Variants in NRTN observed in about 807,000 individuals in gnomAD.
NRTN encodes the protein neurturin, also known as prepro-neurturin.
In NRTN, 3 loss-of-function variants were observed where a neutral mutation model predicts 7.5. That is an observed-to-expected ratio of 0.40 (90% CI 0.18 to 1.03). The LOEUF (loss-of-function observed/expected upper bound fraction) is 1.03, where lower values mean the gene tolerates loss of function less well. Ranked by LOEUF, NRTN falls within the 50% of genes least tolerant of loss-of-function variation. The probability of loss-of-function intolerance (pLI) is 0.34; values close to 1 mark genes in which losing one functional copy is unlikely to be tolerated. For synonymous variants in NRTN, 157 were observed against 146.6 expected (o/e 1.07, Z -0.51); for missense variants, 310 against 307.0 (o/e 1.01, Z -0.07).
chr19:5,825,300 G>T (rs1433096118), intron 2 of NRTN, among the ~76,000 whole-genome samples: 1 of 152,130 alleles, frequency 6.6e-6, no homozygotes, highest in Non-Finnish European at 1.5e-5. Flanking sequence ...TGGTGCGTGG[G>T]CCCTGACCCC....
chr19:5,824,058 C>A lies in NRTN; in HGVS notation c.-108C>A. On this transcript the variant is annotated 5_prime_UTR_variant, in exon 2 of 3. Coordinates refer to ENST00000303212, the MANE Select transcript of NRTN (RefSeq NM_004558.5). Reference sequence around the variant, plus strand: ...GATTATCGACCATTCGGCAGGCGTTCAAAGTCAAAGGCCCCACACTGAGTC... The same window carrying A: ...GATTATCGACCATTCGGCAGGCGTTAAAAGTCAAAGGCCCCACACTGAGTC... 7.0e-7 allele frequency: 1 copy of A among 1,422,514 alleles called. No homozygotes were observed. Among genetic ancestry groups the A allele is most frequent in the Non-Finnish European group, 9.8e-7 (1 of 1,024,374 alleles). 88.1% of individuals were successfully genotyped at this position (1,422,514 alleles called of 1,614,324 possible).
rs1156711960 is a variant in NRTN at position 5,827,845 on chromosome 19, C to A, written c.266C>A (p.Pro89His). 2 of 1,171,660 alleles carry A rather than the reference C, an allele frequency of 1.7e-6. No homozygotes were observed. The highest frequency in any genetic ancestry group is 9.4e-5 in the Admixed American group (2 of 21,182). The allele number at this position is 1,171,660 out of a possible 1,614,324, so 72.6% of individuals were successfully genotyped here. A position where few individuals can be genotyped will look rare whatever the true frequency, so the allele number is the denominator to read the frequency against. ...RPPGPRRRAG[P>H]RRRRARARLG... ...CCAGGTCCGCGCCGTCGGGCGGGGC[C>A]CCGGCGGCGGCGCGCGCGTGCGCGG... The change falls in exon 3 of 3, where the codon CCC (proline) becomes CAC (histidine). Residue 89 changes from proline to histidine, a missense_variant. Coordinates refer to ENST00000303212, the MANE Select transcript of NRTN (RefSeq NM_004558.5).
intron 1 of NRTN, among the ~76,000 whole-genome samples, chr19:5,810,407 C>T (rs1304893220): frequency 5.9e-5 from 9 of 152,022 alleles, no homozygotes; most frequent in Non-Finnish European, 5.9e-5. Context: ...GCCACCACAA[C>T]CGGCCTCAGC....
At chr19:5,817,496 A>G (rs199845041) in intron 1 of NRTN, among the ~76,000 whole-genome samples, 9 of 114,740 alleles carry the variant, frequency 7.8e-5, no homozygotes, top group African/African-American at 1.3e-4. Flanking sequence ...AGAGAGAGAG[A>G]AAGGAAGGAA....
chr19:5,827,698 C>A, intron 2 of NRTN, 51 bp from the exon 3 acceptor site: 1 of 656,006 alleles, frequency 1.5e-6, no homozygotes, highest in Non-Finnish European at 2.0e-6. Flanking sequence ...GGGCTCCCTC[C>A]CACCCCCTGC....
At chr19:5,810,221 C>T (rs1187125512) in intron 1 of NRTN, among the ~76,000 whole-genome samples, 3 of 149,306 alleles carry the variant, frequency 2.0e-5, no homozygotes, top group East Asian at 2.0e-4. Context: ...GAGCCGAGAT[C>T]GCGCCACTGC....
chr19:5,811,694 G>A (rs1297517647), intron 1 of NRTN, among the ~76,000 whole-genome samples: 2 of 148,916 alleles, frequency 1.3e-5, no homozygotes, highest in Admixed American at 6.7e-5. Context: ...CACCACACCC[G>A]GCTAATTTGT....
At chr19:5,823,643 C>A (rs1258665122) in intron 1 of NRTN, among the ~76,000 whole-genome samples, 125 bp from the exon 2 acceptor site, 1 of 152,158 alleles carries the variant, frequency 6.6e-6, no homozygotes, top group Non-Finnish European at 1.5e-5. Flanking sequence ...ATGTAGGGAA[C>A]AGTGTCAGCC....
chr19:5,815,380 T>G (rs923795556), intron 1 of NRTN, among the ~76,000 whole-genome samples: 50 of 151,636 alleles, frequency 3.3e-4, no homozygotes, highest in African/African-American at 1.2e-3. Flanking sequence ...AGCACGTGGA[T>G]ATAACGTTTC....
Position 5,828,238 on chromosome 19 carries a change from C to T in NRTN, c.*65C>T, listed in dbSNP as rs2057057068. On this transcript the variant is annotated 3_prime_UTR_variant, in exon 3 of 3. Transcript: ENST00000303212. Reference sequence around the variant, plus strand: ...CCTCGACGGCACCACTGGCCGGCCCCGCGAAAGACTGCGCGTGCGTAGAGC... The same window carrying T: ...CCTCGACGGCACCACTGGCCGGCCCTGCGAAAGACTGCGCGTGCGTAGAGC... The T allele has an allele frequency of 6.7e-7, 1 of 1,497,430 alleles. No individual in the cohort carries two copies. Among genetic ancestry groups the T allele is most frequent in the Non-Finnish European group, 8.9e-7 (1 of 1,121,840 alleles). The allele number at this position is 1,497,430 out of a possible 1,614,324, so 92.8% of individuals were successfully genotyped here.
chr19:5,817,452 GGAAAGAGA>G (rs1239663507), intron 1 of NRTN, among the ~76,000 whole-genome samples: 8 of 73,758 alleles, frequency 1.1e-4, no homozygotes, highest in South Asian at 5.6e-4. Flanking sequence ...AGGAAGGAAG[GGAAAGAGA>G]GAAAGAGAGG....
intron 2 of NRTN, among the ~76,000 whole-genome samples, chr19:5,826,134 CAAAA>C (rs368989978): frequency 1.5e-5 from 2 of 129,952 alleles, no homozygotes; most frequent in Admixed American, 1.5e-4. Flanking sequence ...GACTCCGTCT[CAAAA>C]AAAAAAAAAA....
intron 2 of NRTN, among the ~76,000 whole-genome samples, chr19:5,825,042 G>A (rs2057040652): frequency 1.3e-5 from 2 of 152,108 alleles, no homozygotes; most frequent in African/African-American, 4.8e-5. Context: ...AGGTCCCAGT[G>A]ACCTGCCCCA....
intron 1 of NRTN, among the ~76,000 whole-genome samples, chr19:5,810,480 G>A (rs966549700): frequency 1.3e-5 from 2 of 151,766 alleles, no homozygotes; most frequent in African/African-American, 2.4e-5. Flanking sequence ...GTTTCCCTAC[G>A]TGGAAAACAG....
rs1355574532 is a variant in NRTN, at chr19:5,817,922, C to T, written c.-398-5846C>T. 2.0e-5 allele frequency among the ~76,000 whole-genome samples: 3 copies of T among 152,102 alleles called. No homozygotes were observed. The East Asian group carries it at 5.8e-4, about 29-fold the overall frequency. On this transcript the variant is annotated intron_variant, in intron 1 of 2. Coordinates refer to ENST00000303212, the MANE Select transcript of NRTN (RefSeq NM_004558.5). ...TCAAGCGATTCTCCTGCCTCAGCCTCCCGAGTAGCTGGGATTACAGGCGCA... is the reference window on the plus strand; with the variant it reads ...TCAAGCGATTCTCCTGCCTCAGCCTTCCGAGTAGCTGGGATTACAGGCGCA...
intron 1 of NRTN, among the ~76,000 whole-genome samples, chr19:5,823,413 A>G (rs754360428): frequency 1.3e-5 from 2 of 152,154 alleles, no homozygotes; most frequent in Non-Finnish European, 2.9e-5. Flanking sequence ...GTGAGACTCC[A>G]TCTCCAAAAG....
intron 1 of NRTN, among the ~76,000 whole-genome samples, chr19:5,809,483 T>G (rs2056983606): frequency 7.2e-6 from 1 of 139,360 alleles, no homozygotes; most frequent in Non-Finnish European, 1.5e-5. Flanking sequence ...CCCATCCTGG[T>G]TTTTTTTTTG....
chr19:5,825,748 C>T (rs2057043583), intron 2 of NRTN, among the ~76,000 whole-genome samples: 1 of 152,220 alleles, frequency 6.6e-6, no homozygotes, highest in East Asian at 1.9e-4. Context: ...GTTCTAGGCT[C>T]CTGGTGGAAT....
At chr19:5,813,964 C>T (rs1017706565) in intron 1 of NRTN, among the ~76,000 whole-genome samples, 2 of 151,994 alleles carry the variant, frequency 1.3e-5, no homozygotes, top group African/African-American at 4.8e-5. Flanking sequence ...GCTGAGATAA[C>T]ACCATTGCGC....
Sources: gnomAD v4.1 joint callset for allele counts (sites outside exome capture counted in the v4.1 genomes callset) on GRCh38, gnomAD v4.1.1 for gene constraint, MANE v1.5 for transcripts, NCBI Gene and HGNC (gene_info 2026-07-23, HGNC 2026-07-21) for gene names.